AGMO: variants seen among roughly 807,000 people sequenced by gnomAD.
AGMO encodes glyceryl-ether monooxygenase.
Under a neutral mutation model 60.2 loss-of-function variants are expected in AGMO, and 75 were observed. The observed-to-expected ratio is 1.25, with a 90% CI of 1.03 to 1.51. The LOEUF is 1.51. AGMO is among the 40% of genes most tolerant of loss of function. AGMO has a pLI of 0.00. For synonymous variants in AGMO, 261 were observed against 177.1 expected, an observed-to-expected ratio of 1.47 and a Z score of -3.76; for missense variants, 763 against 525.5, an observed-to-expected ratio of 1.45 and a Z score of -4.42.
At chr7:15,422,192 T>C (rs1404495432) in intron 4 of AGMO, among the ~76,000 whole-genome samples, 1 of 152,110 alleles carries the variant, frequency 6.6e-6, no homozygotes, top group Non-Finnish European at 1.5e-5. Context: ...GGATTACCTC[T>C]ATGTTTCTCT....
At chr7:15,457,475 G>A (rs113559720) in intron 3 of AGMO, among the ~76,000 whole-genome samples, 1 of 152,236 alleles carries the variant, frequency 6.6e-6, no homozygotes, top group Non-Finnish European at 1.5e-5. Context: ...ACCCTACTGT[G>A]AATTCAAAAT....
chr7:15,390,971 C>G, intron 6 of AGMO, 66 bp from the exon 7 acceptor site: 1 of 975,992 alleles, frequency 1.0e-6, no homozygotes, highest in East Asian at 2.6e-5. Context: ...ATACTTCCAT[C>G]TTGTTTTTTA....
the AGMO span, among the ~76,000 whole-genome samples, chr7:15,188,584 G>T: frequency 1.3e-5 from 2 of 152,294 alleles, no homozygotes; most frequent in South Asian, 4.1e-4. Flanking sequence ...ATGAGACTGG[G>T]TGATAACAGC....
intron 5 of AGMO, among the ~76,000 whole-genome samples, chr7:15,417,739 T>G (rs945201088): frequency 6.6e-6 from 1 of 152,218 alleles, no homozygotes; most frequent in Non-Finnish European, 1.5e-5. Flanking sequence ...AATGGAATAA[T>G]GCACTTTGTT....
the AGMO span, among the ~76,000 whole-genome samples, chr7:15,182,350 T>A: frequency 1.3e-5 from 2 of 152,328 alleles, no homozygotes; most frequent in East Asian, 3.9e-4. Context: ...GTTCGAATGA[T>A]AAATTTTGTT....
intron 6 of AGMO, 49 bp downstream of exon 6, chr7:15,394,064 C>T: frequency 7.3e-7 from 1 of 1,375,498 alleles, no homozygotes; most frequent in Non-Finnish European, 1.0e-6. Flanking sequence ...AATAATAATG[C>T]AATTTTTAGA....
At chr7:15,181,728 T>A in the AGMO span, among the ~76,000 whole-genome samples, 32,134 of 152,030 alleles carry the variant, frequency 0.21, 3,593 homozygotes, top group South Asian at 0.31. Context: ...TTGATGGTAG[T>A]GTTTTGTTCT....
the AGMO span, among the ~76,000 whole-genome samples, chr7:15,140,256 G>A: frequency 6.6e-6 from 1 of 151,936 alleles, no homozygotes; most frequent in Non-Finnish European, 1.5e-5. Context: ...GAGTCTGAAG[G>A]TATTGTTATA....
At chr7:15,215,471 G>A (rs375555746) in intron 12 of AGMO, among the ~76,000 whole-genome samples, 1 of 151,928 alleles carries the variant, frequency 6.6e-6, no homozygotes, top group African/African-American at 2.4e-5. Flanking sequence ...TGAGTTTGGC[G>A]GCTGGGTCAG....
chr7:15,384,684 C>T (rs1330585297), intron 10 of AGMO, among the ~76,000 whole-genome samples: 2 of 152,058 alleles, frequency 1.3e-5, no homozygotes, highest in Non-Finnish European at 2.9e-5. Context: ...TTTTTTTAAA[C>T]TCACCTGTGA....
chr7:15,330,676 T>C (rs1328173727), intron 12 of AGMO, among the ~76,000 whole-genome samples: 1 of 152,178 alleles, frequency 6.6e-6, no homozygotes, highest in Non-Finnish European at 1.5e-5. Context: ...TTACATACTT[T>C]ATCTGCCTAT....
chr7:15,561,884 G>A lies in AGMO; in HGVS notation c.-39C>T, dbSNP rs895802063. 6.4e-7 allele frequency: 1 copy of A among 1,563,142 alleles called. No individual in the cohort carries two copies. The highest frequency in any genetic ancestry group is 1.4e-5 in the African/African-American group (1 of 72,736). ...TGATTCCCAGCTGGAGAATATTTAG[G>A]ATTCAATGCTTGAAGCCTGAGGCTG... On this transcript the variant is annotated 5_prime_UTR_variant, in exon 1 of 13. Transcript: ENST00000342526.
chr7:15,481,355 G>C (rs1158377261), intron 3 of AGMO, among the ~76,000 whole-genome samples: 1 of 152,020 alleles, frequency 6.6e-6, no homozygotes, highest in Non-Finnish European at 1.5e-5. Flanking sequence ...GAGTTACCAG[G>C]CAGTCCGTGA....
chr7:15,433,109 T>G (rs1198606127), intron 3 of AGMO, among the ~76,000 whole-genome samples: 1 of 152,096 alleles, frequency 6.6e-6, no homozygotes, highest in Non-Finnish European at 1.5e-5. Flanking sequence ...GTTTTTGACC[T>G]GTCAGGATTT....
At chr7:15,306,748 G>A (rs1780626532) in intron 12 of AGMO, among the ~76,000 whole-genome samples, 1 of 151,980 alleles carries the variant, frequency 6.6e-6, no homozygotes, top group African/African-American at 2.4e-5. Context: ...CTTATAGGCT[G>A]AGGAATATGT....
At chr7:15,171,775 A>G in the AGMO span, among the ~76,000 whole-genome samples, 2 of 152,188 alleles carry the variant, frequency 1.3e-5, no homozygotes, top group Non-Finnish European at 2.9e-5. Context: ...CATGCCTTTT[A>G]TCTTTCTATT....
chr7:15,233,560 T>TC (rs1563047106), intron 12 of AGMO, among the ~76,000 whole-genome samples: 15 of 151,658 alleles, frequency 9.9e-5, no homozygotes, highest in Non-Finnish European at 1.3e-4. Flanking sequence ...GTTTTTTTTT[T>TC]TCCCCCCTTT....
the AGMO span, among the ~76,000 whole-genome samples, chr7:15,165,557 TAA>T: frequency 6.6e-6 from 1 of 152,132 alleles, no homozygotes; most frequent in Non-Finnish European, 1.5e-5. Flanking sequence ...ACATAGATGA[TAA>T]AGTGTATATT....
intron 12 of AGMO, among the ~76,000 whole-genome samples, chr7:15,235,789 A>G (rs1782400542): frequency 1.3e-5 from 2 of 152,146 alleles, no homozygotes; most frequent in African/African-American, 4.8e-5. Context: ...GAAGGAAGCA[A>G]TTCACTTTGG....
Sources: allele counts gnomAD v4.1 joint callset (sites outside exome capture counted in the v4.1 genomes callset), GRCh38; gene constraint gnomAD v4.1.1; transcripts MANE v1.5; gene names NCBI Gene and HGNC (gene_info 2026-07-23, HGNC 2026-07-21).